The following DZIP3 variants were observed in gnomAD, a reference collection of about 807,000 sequenced individuals.
The protein encoded by DZIP3 is DAZ interacting zinc finger protein 3.
DZIP3 carries 118 observed loss-of-function variants against 162.0 expected under a neutral mutation model. The ratio of observed to expected loss-of-function variants is 0.73; its 90% CI spans 0.63 to 0.85. The LOEUF (loss-of-function observed/expected upper bound fraction) is 0.85. Ranked by LOEUF, DZIP3 falls within the 40% of genes least tolerant of loss-of-function variation. DZIP3 has a pLI of 0.00. For synonymous variants in DZIP3, 438 were observed against 458.6 expected, an observed-to-expected ratio of 0.96 and a Z score of 0.57; for missense variants, 1,331 against 1,407.0, an observed-to-expected ratio of 0.95 and a Z score of 0.86.
chr3:108,649,774 A>C (rs1942782674), intron 17 of DZIP3, among the ~76,000 whole-genome samples: 1 of 151,870 alleles, frequency 6.6e-6, no homozygotes, highest in African/African-American at 2.4e-5. Flanking sequence ...TAAAACACGA[A>C]GTCAAGATTT....
chr3:108,688,239 T>G, intron 29 of DZIP3, 143 bp downstream of exon 29: 2 of 1,069,188 alleles, frequency 1.9e-6, no homozygotes, highest in Non-Finnish European at 1.3e-6. Context: ...AAATAACAAC[T>G]TCAACTTAAC....
chr3:108,602,712 A>G (rs952040143), intron 1 of DZIP3: 2 of 152,144 alleles, frequency 1.3e-5, no homozygotes, highest in Non-Finnish European at 2.9e-5. Context: ...TTAGCAGCTC[A>G]GTGGTGACAT....
chr3:108,627,966 A>G (rs935051751), intron 7 of DZIP3, among the ~76,000 whole-genome samples: 10 of 151,948 alleles, frequency 6.6e-5, no homozygotes, highest in Middle Eastern at 3.4e-3. Flanking sequence ...GCAACCTCCA[A>G]CTCCCTGGTT....
intron 1 of DZIP3, among the ~76,000 whole-genome samples, chr3:108,597,716 A>T (rs1287645005): frequency 6.6e-6 from 1 of 152,172 alleles, no homozygotes; most frequent in Non-Finnish European, 1.5e-5. Flanking sequence ...ACCTCAGGGG[A>T]TATGTGAAAC....
intron 18 of DZIP3, among the ~76,000 whole-genome samples, chr3:108,651,612 C>A (rs1033695998): frequency 6.6e-6 from 1 of 151,530 alleles, no homozygotes; most frequent in African/African-American, 2.4e-5. Context: ...TCCCAGTGAC[C>A]CCTTTTACCA....
chr3:108,643,191 C>G (rs1314544599), intron 13 of DZIP3, among the ~76,000 whole-genome samples: 4 of 152,102 alleles, frequency 2.6e-5, no homozygotes, highest in Non-Finnish European at 4.4e-5. Context: ...TTGTGACAAA[C>G]ACATATTTTG....
chr3:108,616,423 C>A, intron 4 of DZIP3, 118 bp from the exon 5 acceptor site: 3 of 604,744 alleles, frequency 5.0e-6, no homozygotes, highest in Non-Finnish European at 5.4e-6. Flanking sequence ...TTTTTTAAAC[C>A]GTCTTTATCT....
At chr3:108,672,191 A>C (rs1408730588) in intron 22 of DZIP3, among the ~76,000 whole-genome samples, 3 of 151,884 alleles carry the variant, frequency 2.0e-5, no homozygotes, top group Non-Finnish European at 4.4e-5. Flanking sequence ...CCACCTCCTA[A>C]TACCATCACT....
intron 5 of DZIP3, among the ~76,000 whole-genome samples, chr3:108,623,543 TCTC>T (rs1941463520): frequency 6.6e-6 from 1 of 152,134 alleles, no homozygotes; most frequent in Non-Finnish European, 1.5e-5. Context: ...TACTCTTCTC[TCTC>T]CTCTGCTCAA....
chr3:108,647,965 G>C lies in DZIP3; in HGVS notation c.1815G>C (p.Gln605His). The C allele has an allele frequency of 6.3e-7, 1 of 1,575,780 alleles. No individual in the cohort carries two copies. Among genetic ancestry groups the C allele is most frequent in the Non-Finnish European group, 8.6e-7 (1 of 1,166,464 alleles). The change falls in exon 16 of 33, where the codon CAG becomes CAC. Residue 605 changes from glutamine (Q) to histidine (H), a missense_variant. Around this residue, in one of 2 missense-constraint regions of DZIP3, gnomAD observed 1,278 missense variants for 1,317.1 expected, o/e 0.97. Transcript: ENST00000361582. ...TAGGTATTGAAATAGAAGAGTTACA[G>C]AATGAGGAAGAAGAACTAAGTCCAC... ...GSQRIEIEELQNEEEELSPPL... is the reference protein window; with the variant it reads ...GSQRIEIEELHNEEEELSPPL...
intron 12 of DZIP3, among the ~76,000 whole-genome samples, chr3:108,641,277 A>G (rs2107633898): frequency 6.6e-6 from 1 of 152,178 alleles, no homozygotes; most frequent in East Asian, 1.9e-4. Flanking sequence ...ATTGTTACTT[A>G]TAAGTGTAGT....
chr3:108,670,234 A>G (rs1943877523), intron 22 of DZIP3, among the ~76,000 whole-genome samples: 1 of 151,938 alleles, frequency 6.6e-6, no homozygotes, highest in African/African-American at 2.4e-5. Flanking sequence ...AGTCATCACC[A>G]CTATCTATTT....
chr3:108,621,547 G>A (rs994101624), intron 5 of DZIP3, among the ~76,000 whole-genome samples: 1 of 152,072 alleles, frequency 6.6e-6, no homozygotes, highest in African/African-American at 2.4e-5. Context: ...TTGTAGAGAT[G>A]GTGTCTCACA....
chr3:108,659,118 G>C (rs1576432180), intron 19 of DZIP3, among the ~76,000 whole-genome samples: 1 of 152,180 alleles, frequency 6.6e-6, no homozygotes, highest in Non-Finnish European at 1.5e-5. Flanking sequence ...TAGAAAAAGA[G>C]GGAATCCTCC....
chr3:108,625,852 C>A lies in DZIP3; in HGVS notation c.464C>A (p.Thr155Lys). The A allele has an allele frequency of 1.9e-6, 3 of 1,609,934 alleles. No homozygotes were observed. Among genetic ancestry groups the A allele is most frequent in the Non-Finnish European group, 1.7e-6 (2 of 1,178,424 alleles). ...AGTTTTATGTTACTACAGGATTATA[C>A]AGAAGCTGAGAATAAATTTCTGGTG... ...LTERGKKEDY[T>K]EAENKFLVMK... is the part of the protein sequence containing the mutation. The change falls in exon 7 of 33, where the codon ACA (threonine) becomes AAA (lysine). Residue 155 changes from threonine (T) to lysine (K), a missense_variant. This residue lies in a region of DZIP3 where 1,278 missense variants were observed against 1,317.1 expected (regional missense o/e 0.97). Coordinates refer to ENST00000361582, the MANE Select transcript of DZIP3 (RefSeq NM_014648.4).
chr3:108,636,126 G>A (rs903347941), intron 10 of DZIP3, among the ~76,000 whole-genome samples: 2 of 151,698 alleles, frequency 1.3e-5, no homozygotes, highest in Non-Finnish European at 2.9e-5. Flanking sequence ...ATTTTTAAGT[G>A]GTATATACTT....
intron 18 of DZIP3, among the ~76,000 whole-genome samples, chr3:108,651,403 A>G (rs993083121): frequency 5.3e-5 from 8 of 151,800 alleles, no homozygotes; most frequent in African/African-American, 1.9e-4. Flanking sequence ...ATTTTTCTGT[A>G]AGGCTACTTG....
At chr3:108,604,109 A>G (rs768865970) in intron 1 of DZIP3, among the ~76,000 whole-genome samples, 66 of 152,332 alleles carry the variant, frequency 4.3e-4, no homozygotes, top group African/African-American at 1.1e-3. Flanking sequence ...GAATTACCCT[A>G]TGCTGAATTA....
intron 3 of DZIP3, among the ~76,000 whole-genome samples, chr3:108,609,288 G>A (rs1228293686): frequency 2.6e-5 from 4 of 152,028 alleles, no homozygotes; most frequent in African/African-American, 4.8e-5. Flanking sequence ...AAATAAGCAC[G>A]GTATTCACCT....
Sources: gnomAD v4.1 joint callset for allele counts (sites outside exome capture counted in the v4.1 genomes callset) on GRCh38, gnomAD v4.1.1 for gene constraint, gnomAD v4.1.1 regional missense constraint, MANE v1.5 for transcripts, NCBI Gene and HGNC (gene_info 2026-07-23, HGNC 2026-07-21) for gene names.